Variants in CHODL observed in about 807,000 individuals in gnomAD.
CHODL encodes transmembrane protein MT75.
Under a neutral mutation model 34.5 loss-of-function variants are expected in CHODL, and 29 were observed. The observed-to-expected ratio is 0.84, with a 90% CI of 0.63 to 1.15. The LOEUF (loss-of-function observed/expected upper bound fraction) is 1.15, where lower values mean the gene tolerates loss of function less well. CHODL is among the 50% of genes most tolerant of loss of function. The pLI is 0.00. For missense variants in CHODL, 332 were observed against 332.5 expected (o/e 1.00, Z 0.01); for synonymous variants, 125 against 116.1 (o/e 1.08, Z -0.49).
At chr21:17,932,127 C>T (rs1240890491) in intron 1 of CHODL, among the ~76,000 whole-genome samples, 1 of 151,868 alleles carries the variant, frequency 6.6e-6, no homozygotes, top group Non-Finnish European at 1.5e-5. Context: ...GACAAACAAC[C>T]ATATTAAAAA....
chr21:18,249,800 C>T (rs1403583899), intron 1 of CHODL, among the ~76,000 whole-genome samples: 1 of 152,112 alleles, frequency 6.6e-6, no homozygotes, highest in African/African-American at 2.4e-5. Flanking sequence ...GATAAGAGCA[C>T]CTATGTCATA....
At chr21:17,979,123 T>C (rs2063694636) in intron 1 of CHODL, among the ~76,000 whole-genome samples, 1 of 152,184 alleles carries the variant, frequency 6.6e-6, no homozygotes, top group Non-Finnish European at 1.5e-5. Context: ...TCCATAACCT[T>C]GATTACATCT....
In CHODL at chr21:18,129,960, A is replaced by G. The variant is rs370159588; in HGVS notation, c.-45+101989A>G. On this transcript the variant is annotated intron_variant, in intron 2 of 6. Transcript: ENST00000400127. ...TGTGTGTATGAGCAATTCTAAAAGA[A>G]ACTATATCTGTATGACAGATAATTT... is the stretch of plus-strand genomic sequence containing the variant. 4.8e-4 allele frequency among the ~76,000 whole-genome samples: 73 copies of G among 151,730 alleles called. 1 individual carries two copies. The South Asian group carries it at 0.014, about 28-fold the overall frequency.
rs865896596 is a variant in CHODL, at chr21:18,108,545, T to C, written c.-45+80574T>C. Among the ~76,000 whole-genome samples, 12 of 152,294 alleles carry C rather than the reference T, an allele frequency of 7.9e-5. 1 individual carries two copies. The highest frequency in any genetic ancestry group is 1.0e-4 in the Non-Finnish European group (7 of 68,032). ...GGTTAGTGTTGACTCTAATGACTGA[T>C]CTGACAATACAGGTGCAACACATTA... On this transcript the variant is annotated intron_variant, in intron 2 of 6. Coordinates refer to the CHODL transcript ENST00000400127.
intron 2 of CHODL, among the ~76,000 whole-genome samples, chr21:18,101,347 C>T (rs999178361): frequency 1.3e-5 from 2 of 152,080 alleles, no homozygotes; most frequent in African/African-American, 4.8e-5. Flanking sequence ...TTGTCTTTAT[C>T]AGCAACGTGA....
chr21:18,027,567 A>G (rs73196629), intron 1 of CHODL, among the ~76,000 whole-genome samples: 4,693 of 152,238 alleles, frequency 0.031, 109 homozygotes, highest in Non-Finnish European at 0.046. Flanking sequence ...GTGCTAGGAA[A>G]CAGGAACTTA....
chr21:18,208,171 CTT>C (rs113821427), intron 2 of CHODL, among the ~76,000 whole-genome samples: 3 of 142,914 alleles, frequency 2.1e-5, no homozygotes. Flanking sequence ...TCTTCTTCTT[CTT>C]TTTTTTTTTT....
intron 1 of CHODL, among the ~76,000 whole-genome samples, chr21:17,964,682 G>A (rs888352853): frequency 1.3e-5 from 2 of 152,160 alleles, no homozygotes; most frequent in African/African-American, 4.8e-5. Flanking sequence ...CTGGTTTCCT[G>A]AGTGTCCATA....
intron 2 of CHODL, among the ~76,000 whole-genome samples, chr21:18,157,920 T>TA (rs750645618): frequency 1.1e-4 from 17 of 149,180 alleles, no homozygotes; most frequent in Non-Finnish European, 1.9e-4. Flanking sequence ...CCAAAATAGA[T>TA]AAAAAACTGA....
At position 17,964,989 on chromosome 21, in the gene CHODL, T is replaced by G. The variant is rs114049325; in HGVS notation, c.-145+47589T>G. 5.9e-3 allele frequency among the ~76,000 whole-genome samples: 893 copies of G among 152,294 alleles called. 9 individuals carry two copies. Among genetic ancestry groups the G allele is most frequent in the African/African-American group, 0.02 (849 of 41,560 alleles). On this transcript the variant is annotated intron_variant, in intron 1 of 6. Coordinates refer to the CHODL transcript ENST00000400127. ...CTGGAAACCATCAGTAAATAACAGT[T>G]TGGAAATTTCTGCTTCATTTGGACT...
chr21:18,242,893 A>C (rs954193113), upstream of CHODL, among the ~76,000 whole-genome samples: 2 of 152,170 alleles, frequency 1.3e-5, no homozygotes, highest in Non-Finnish European at 2.9e-5. Flanking sequence ...TAGGCATGAG[A>C]GACATTTGGG....
intron 1 of CHODL, chr21:18,245,849 T>C: frequency 7.1e-7 from 1 of 1,416,362 alleles, no homozygotes; most frequent in Non-Finnish European, 9.6e-7. Flanking sequence ...TGAAGTGTGG[T>C]CATTGCGTGT....
intron 2 of CHODL, among the ~76,000 whole-genome samples, chr21:18,106,458 TTTG>T (rs1384517184): frequency 6.6e-6 from 1 of 152,068 alleles, no homozygotes; most frequent in Non-Finnish European, 1.5e-5. Flanking sequence ...TGAAATATTT[TTTG>T]TTACTAGATC....
intron 2 of CHODL, among the ~76,000 whole-genome samples, chr21:18,227,433 G>T (rs184884645): frequency 6.6e-6 from 1 of 151,974 alleles, no homozygotes; most frequent in Non-Finnish European, 1.5e-5. Flanking sequence ...TAAACACCTC[G>T]TTTAAAACTT....
intron 1 of CHODL, among the ~76,000 whole-genome samples, chr21:18,009,857 C>T (rs1448006619): frequency 1.4e-5 from 2 of 140,784 alleles, no homozygotes; most frequent in Non-Finnish European, 3.0e-5. Flanking sequence ...CACTGCACTC[C>T]AGCCTGGGCG....
chr21:18,264,945 A>G (rs1448978214), intron 5 of CHODL, among the ~76,000 whole-genome samples: 1 of 152,112 alleles, frequency 6.6e-6, no homozygotes, highest in Non-Finnish European at 1.5e-5. Context: ...ACATCCATAC[A>G]CATAGTATAA....
At chr21:18,017,427 TC>T (rs2064085948) in intron 1 of CHODL, among the ~76,000 whole-genome samples, 1 of 152,306 alleles carries the variant, frequency 6.6e-6, no homozygotes, top group African/African-American at 2.4e-5. Flanking sequence ...TGTGCTTGCT[TC>T]CCCTTTGCCT....
intron 1 of CHODL, among the ~76,000 whole-genome samples, chr21:18,015,096 C>G (rs2064059716): frequency 6.6e-6 from 1 of 152,122 alleles, no homozygotes; most frequent in South Asian, 2.1e-4. Context: ...CAATGAAGTC[C>G]AGTCTGATGA....
chr21:18,108,909 C>G (rs561259987), intron 2 of CHODL, among the ~76,000 whole-genome samples: 1 of 149,884 alleles, frequency 6.7e-6, no homozygotes, highest in East Asian at 2.0e-4. Context: ...TATTTTGTAT[C>G]ATGTAGTGTG....
Sources: allele counts gnomAD v4.1 joint callset (sites outside exome capture counted in the v4.1 genomes callset), GRCh38; gene constraint gnomAD v4.1.1; transcripts MANE v1.5; gene names NCBI Gene and HGNC (gene_info 2026-07-23, HGNC 2026-07-21).